The following ITGB8 variants were observed in gnomAD, a reference collection of about 807,000 sequenced individuals.
ITGB8 encodes the protein integrin beta-8.
In ITGB8, 30 loss-of-function variants were observed where a neutral mutation model predicts 89.5. That is an observed-to-expected ratio of 0.34 (90% CI 0.25 to 0.45). The LOEUF is 0.45. ITGB8 is among the 20% of genes least tolerant of loss of function. The pLI, the probability that ITGB8 is intolerant of heterozygous loss-of-function variation, is 1.00. For missense variants in ITGB8, 836 were observed against 933.3 expected (o/e 0.90, Z 1.36); for synonymous variants, 335 against 320.4 (o/e 1.05, Z -0.49).
At position 20,380,661 on chromosome 7, in the gene ITGB8, C is replaced by T. The variant is rs749485599; in HGVS notation, c.636-5C>T. ...AAACTTTACACTTCTTCTTTTCCCA[C>T]ACAGTGACTACAATTTAGACTGCAT... On this transcript the variant is annotated splice_region_variant and splice_polypyrimidine_tract_variant and intron_variant, in intron 4 of 13. Transcript: ENST00000222573. The T allele has an allele frequency of 6.2e-7, 1 of 1,611,040 alleles. No individual in the cohort carries two copies.
chr7:20,404,740 G>A lies in ITGB8; in HGVS notation c.1800G>A (p.Val600=), dbSNP rs1312325185. ...AQHCVNSKGQ[V]CSGRGTCVCG... is the part of the protein sequence containing the mutation. The stretch of plus-strand genomic sequence containing the variant: ...ACTGTGTCAATTCAAAGGGCCAAGT[G>A]TGCAGTGGAAGAGGCACGTGTGTGT... The change falls in exon 11 of 14, where the codon GTG becomes GTA. Residue 600 remains valine (V), a synonymous_variant. Coordinates refer to ENST00000222573, the MANE Select transcript of ITGB8 (RefSeq NM_002214.3). The A allele has an allele frequency of 1.9e-6, 3 of 1,614,088 alleles. No individual in the cohort carries two copies. The African/African-American group carries it at 4.0e-5, about 22-fold the overall frequency.
chr7:20,374,095 G>A (rs1786038828), intron 3 of ITGB8, among the ~76,000 whole-genome samples: 2 of 152,152 alleles, frequency 1.3e-5, no homozygotes, highest in Admixed American at 6.5e-5. Flanking sequence ...AAAGGCATGA[G>A]GATAAAGCTT....
At chr7:20,354,068 G>C (rs1393171281) in intron 1 of ITGB8, among the ~76,000 whole-genome samples, 2 of 150,902 alleles carry the variant, frequency 1.3e-5, no homozygotes, top group African/African-American at 2.4e-5. Flanking sequence ...TGGAAATGAA[G>C]ATTACTTAAG....
At chr7:20,386,800 T>C (rs1476612019) in intron 6 of ITGB8, among the ~76,000 whole-genome samples, 1 of 152,162 alleles carries the variant, frequency 6.6e-6, no homozygotes, top group African/African-American at 2.4e-5. Context: ...AATTCAACTT[T>C]GATAAAAATT....
chr7:20,344,209 G>A (rs1446221024), intron 1 of ITGB8, among the ~76,000 whole-genome samples: 1 of 151,940 alleles, frequency 6.6e-6, no homozygotes, highest in Non-Finnish European at 1.5e-5. Flanking sequence ...TTCTGATTCA[G>A]ACAGGAAATA....
chr7:20,404,833 T>C lies in ITGB8; in HGVS notation c.1893T>C (p.Tyr631=). The C allele has an allele frequency of 6.2e-7, 1 of 1,614,158 alleles. No individual in the cohort carries two copies. Among genetic ancestry groups the C allele is most frequent in the Non-Finnish European group, 8.5e-7 (1 of 1,179,982 alleles). ...GRFCEHCPTC[Y]TACKENWNCM... is the part of the protein sequence containing the mutation. The stretch of plus-strand genomic sequence containing the variant: ...TCTGTGAACACTGCCCCACCTGTTA[T>C]ACAGCCTGCAAGGAAAACTGGTATG... Residue 631 remains tyrosine (Y), a synonymous_variant, in exon 11 of 14, where the codon TAT becomes TAC. Transcript: ENST00000222573.
At chr7:20,372,251 G>A (rs529755546) in intron 3 of ITGB8, among the ~76,000 whole-genome samples, 1 of 152,110 alleles carries the variant, frequency 6.6e-6, no homozygotes, top group Non-Finnish European at 1.5e-5. Context: ...AGTTTAGCTT[G>A]TTCTTTTTTA....
At chr7:20,332,108 A>C (rs1210760912) in intron 1 of ITGB8, 175 bp downstream of exon 1, 2 of 1,334,634 alleles carry the variant, frequency 1.5e-6, no homozygotes, top group Admixed American at 5.9e-5. Flanking sequence ...CCAGGTGTCA[A>C]GCATTTCTGC....
At chr7:20,381,123 C>T (rs74961565) in intron 5 of ITGB8, 22,017 of 244,830 alleles carry the variant, frequency 0.09, 1,550 homozygotes, top group East Asian at 0.38. Flanking sequence ...CAAGGAGGAA[C>T]TAGAAGTAGA....
Position 20,331,980 on chromosome 7 carries a change from T to C in ITGB8, c.127+47T>C, listed in dbSNP as rs1373875701. ...TGTTTTCTTCTCTTCCCCAAAGGTC[T>C]TGGGCTGGCACGAAGAGCTGCCCGG... On this transcript the variant is annotated intron_variant, in intron 1 of 13. Transcript: ENST00000222573. 1.9e-6 allele frequency: 3 copies of C among 1,595,816 alleles called. No individual in the cohort carries two copies. The African/African-American group carries it at 4.0e-5, about 21-fold the overall frequency.
chr7:20,383,080 A>G (rs1786465784), intron 6 of ITGB8, among the ~76,000 whole-genome samples: 1 of 152,172 alleles, frequency 6.6e-6, no homozygotes, highest in Non-Finnish European at 1.5e-5. Context: ...ACAGTTTGGG[A>G]ATCACAGTAT....
intron 8 of ITGB8, among the ~76,000 whole-genome samples, chr7:20,396,285 T>C (rs1787073525): frequency 1.3e-5 from 2 of 151,876 alleles, no homozygotes; most frequent in Non-Finnish European, 2.9e-5. Flanking sequence ...AAAAAAAAAT[T>C]AGCAGGGCAT....
At chr7:20,381,684 T>C in intron 5 of ITGB8, 43 bp from the exon 6 acceptor site, 2 of 1,481,380 alleles carry the variant, frequency 1.4e-6, no homozygotes, top group Non-Finnish European at 1.9e-6. Flanking sequence ...ACAGTACACA[T>C]CTGTGTTATT....
chr7:20,379,358 T>C (rs1045300744), intron 4 of ITGB8, 61 bp downstream of exon 4: 13 of 1,194,424 alleles, frequency 1.1e-5, no homozygotes, highest in Admixed American at 2.9e-5. Flanking sequence ...TCTCACTTTG[T>C]TTTTAATGTA....
At chr7:20,362,454 A>C (rs551026013) in intron 1 of ITGB8, among the ~76,000 whole-genome samples, 2 of 152,306 alleles carry the variant, frequency 1.3e-5, no homozygotes, top group East Asian at 1.9e-4. Flanking sequence ...AAAGAGAGAT[A>C]CTAAATGTGA....
chr7:20,335,009 T>C (rs1784529160), intron 1 of ITGB8, among the ~76,000 whole-genome samples: 1 of 152,222 alleles, frequency 6.6e-6, no homozygotes, highest in African/African-American at 2.4e-5. Context: ...GGGACCACTA[T>C]ATACTCATCA....
At chr7:20,357,365 C>T (rs909096028) in intron 1 of ITGB8, among the ~76,000 whole-genome samples, 1 of 152,066 alleles carries the variant, frequency 6.6e-6, no homozygotes, top group Non-Finnish European at 1.5e-5. Context: ...AAAACTTTAT[C>T]ACCCAAGGGA....
chr7:20,331,309 C>T lies in ITGB8; in HGVS notation c.-498C>T. 1 of 375,324 alleles carries T rather than the reference C, an allele frequency of 2.7e-6. No homozygotes were observed. Among genetic ancestry groups the T allele is most frequent in the Non-Finnish European group, 4.7e-6 (1 of 211,678 alleles). The allele number at this position is 375,324 out of a possible 1,614,324, so 23.2% of individuals were successfully genotyped here. A position where few individuals can be genotyped will look rare whatever the true frequency, so the allele number is the denominator to read the frequency against. ...GATGCGCCACAGACTTTTTTCCCCT[C>T]GACCTCGCCGGCGTCCCCTCCCACA... On this transcript the variant is annotated 5_prime_UTR_variant, in exon 1 of 14. The change creates a premature stop within an existing upstream ORF in the 5' untranslated region. Transcript: ENST00000222573.
chr7:20,346,348 A>T (rs532632095), intron 1 of ITGB8, among the ~76,000 whole-genome samples: 3 of 152,224 alleles, frequency 2.0e-5, no homozygotes, highest in South Asian at 4.2e-4. Flanking sequence ...GGCACAGGGG[A>T]TGGGTTTCTG....
Sources: gnomAD v4.1 joint callset for allele counts (sites outside exome capture counted in the v4.1 genomes callset) on GRCh38, gnomAD v4.1.1 for gene constraint, MANE v1.5 for transcripts, NCBI Gene and HGNC (gene_info 2026-07-23, HGNC 2026-07-21) for gene names.